GTF2F2: variants seen among roughly 807,000 people sequenced by gnomAD.
GTF2F2 encodes the protein ATP-dependent helicase GTF2F2.
GTF2F2 carries 23 observed loss-of-function variants against 42.2 expected under a neutral mutation model. The ratio of observed to expected loss-of-function variants is 0.55; its 90% CI spans 0.39 to 0.77. The LOEUF is 0.77. Ranked by LOEUF, GTF2F2 falls within the 30% of genes least tolerant of loss-of-function variation. The pLI, the probability that GTF2F2 is intolerant of heterozygous loss-of-function variation, is 0.00. For missense variants in GTF2F2, 261 were observed against 287.2 expected, an observed-to-expected ratio of 0.91 and a Z score of 0.66; for synonymous variants, 105 against 100.8, an observed-to-expected ratio of 1.04 and a Z score of -0.25.
At chr13:45,151,620 A>G in intron 3 of GTF2F2, 67 bp from the exon 4 acceptor site, 2 of 1,027,186 alleles carry the variant, frequency 1.9e-6, no homozygotes, top group Non-Finnish European at 1.4e-6. Flanking sequence ...GATTTATAAC[A>G]AAAATTTATA....
intron 5 of GTF2F2, among the ~76,000 whole-genome samples, chr13:45,247,951 TCTC>T (rs1566150378): frequency 6.6e-6 from 1 of 152,186 alleles, no homozygotes; most frequent in East Asian, 1.9e-4. Context: ...TTCAAGCAAT[TCTC>T]CTGCCTCAGC....
chr13:45,137,453 C>A (rs1253960322), intron 2 of GTF2F2, among the ~76,000 whole-genome samples: 1 of 152,180 alleles, frequency 6.6e-6, no homozygotes, highest in African/African-American at 2.4e-5. Flanking sequence ...TTAGCTTTTG[C>A]TTCATAACAA....
intron 5 of GTF2F2, among the ~76,000 whole-genome samples, chr13:45,231,078 ATTC>A (rs1283689189): frequency 3.3e-5 from 5 of 151,330 alleles, no homozygotes; most frequent in Non-Finnish European, 7.4e-5. Context: ...TTTCATTCTT[ATTC>A]TTCTATTTAT....
intron 7 of GTF2F2, among the ~76,000 whole-genome samples, chr13:45,277,282 C>T (rs368622054): frequency 2.0e-5 from 3 of 152,098 alleles, no homozygotes; most frequent in African/African-American, 4.8e-5. Flanking sequence ...GCAGGCTGTA[C>T]GGGAAGTATG....
intron 1 of GTF2F2, among the ~76,000 whole-genome samples, chr13:45,134,401 G>A (rs1317869022): frequency 6.6e-6 from 1 of 152,062 alleles, no homozygotes; most frequent in Non-Finnish European, 1.5e-5. Context: ...GTGGGGGTCT[G>A]CCAAATAACT....
rs1875384372 is a variant in GTF2F2 at position 45,242,797 on chromosome 13, T to C, written c.387-10074T>C. Among the ~76,000 whole-genome samples, 3 of 152,220 alleles carry C rather than the reference T, an allele frequency of 2.0e-5. No homozygotes were observed. The South Asian group carries it at 6.2e-4, about 32-fold the overall frequency. ...GCTTAAAGAATATTTATTGAGTTGC[T>C]ATTATGTGAGAAATGCTGTACTTAG... On this transcript the variant is annotated intron_variant, in intron 5 of 7. Transcript: ENST00000340473.
chr13:45,224,133 C>T (rs1299217343), intron 5 of GTF2F2, among the ~76,000 whole-genome samples: 3 of 152,166 alleles, frequency 2.0e-5, no homozygotes, highest in African/African-American at 7.2e-5. Context: ...CCTTCATACA[C>T]CATCAAGAAG....
chr13:45,284,311 C>T lies in GTF2F2; in HGVS notation c.*750C>T, dbSNP rs924759449. ...CCCCAGAATTTTACTGCTTACCCAG[C>T]AGACATGTATTGACCATCACATGGC... On this transcript the variant is annotated 3_prime_UTR_variant, in exon 8 of 8. Coordinates refer to ENST00000340473, the MANE Select transcript of GTF2F2 (RefSeq NM_004128.3). 2.6e-5 allele frequency: 4 copies of T among 152,166 alleles called. No homozygotes were observed. The highest frequency in any genetic ancestry group is 9.7e-5 in the African/African-American group (4 of 41,442). The allele number at this position is 152,166 out of a possible 1,614,324, so 9.4% of individuals were successfully genotyped here. A position where few individuals can be genotyped will look rare whatever the true frequency, so the allele number is the denominator to read the frequency against.
At chr13:45,260,765 A>G (rs1350429091) in intron 6 of GTF2F2, among the ~76,000 whole-genome samples, 1 of 152,156 alleles carries the variant, frequency 6.6e-6, no homozygotes, top group African/African-American at 2.4e-5. Context: ...CACACCTGTA[A>G]TCCCAGCACT....
chr13:45,190,093 A>C (rs1476050438), intron 4 of GTF2F2, among the ~76,000 whole-genome samples: 3 of 152,172 alleles, frequency 2.0e-5, no homozygotes, highest in African/African-American at 4.8e-5. Context: ...AAATTTTTGC[A>C]ATCTATCCAT....
chr13:45,207,192 C>T, intron 4 of GTF2F2: 1 of 432,774 alleles, frequency 2.3e-6, no homozygotes, highest in Non-Finnish European at 4.2e-6. Flanking sequence ...CTGTTCCTGG[C>T]AAAGGGCCAC....
intron 5 of GTF2F2, among the ~76,000 whole-genome samples, chr13:45,226,758 GCTGT>G (rs1378493043): frequency 6.6e-6 from 1 of 152,080 alleles, no homozygotes; most frequent in African/African-American, 2.4e-5. Context: ...CAAAAACACA[GCTGT>G]CTATTTACGC....
At chr13:45,238,368 A>G (rs1190273666) in intron 5 of GTF2F2, among the ~76,000 whole-genome samples, 1 of 152,198 alleles carries the variant, frequency 6.6e-6, no homozygotes, top group Admixed American at 6.5e-5. Flanking sequence ...TGTATTGAGG[A>G]GTAATAAATG....
chr13:45,177,545 CACTT>C (rs981105659), intron 4 of GTF2F2, among the ~76,000 whole-genome samples: 2 of 152,088 alleles, frequency 1.3e-5, no homozygotes, highest in African/African-American at 4.8e-5. Flanking sequence ...GCCCATGAGT[CACTT>C]AGTAACTGTC....
Position 45,228,283 on chromosome 13 carries a change from C to CTTTTTTTTTTTTTTTTTTTTTTTTT in GTF2F2, c.386+20794_386+20795insTTTTTTTTTTTTTTTTTTTTTTTTT, listed in dbSNP as rs372901327. Among the ~76,000 whole-genome samples the CTTTTTTTTTTTTTTTTTTTTTTTTT allele has an allele frequency of 7.7e-4, 71 of 92,696 alleles. 6 individuals are homozygous for CTTTTTTTTTTTTTTTTTTTTTTTTT. The highest frequency in any genetic ancestry group is 1.5e-3 in the African/African-American group (26 of 17,636). The allele number at this position is 92,696 out of a possible 152,430, so 60.8% of individuals were successfully genotyped here. On this transcript the variant is annotated intron_variant, in intron 5 of 7. Coordinates refer to ENST00000340473, the MANE Select transcript of GTF2F2 (RefSeq NM_004128.3). The stretch of plus-strand genomic sequence containing the variant: ...TTTCCTTATTGCTGCCAGAGTTAAT[C>CTTTTTTTTTTTTTTTTTTTTTTTTT]TTTTTTTTTTTTTTTTGGAGACGGA...
intron 5 of GTF2F2, among the ~76,000 whole-genome samples, chr13:45,229,757 G>C (rs1313526500): frequency 6.6e-6 from 1 of 152,090 alleles, no homozygotes; most frequent in African/African-American, 2.4e-5. Context: ...TTTTATTTGA[G>C]AAATATTCAG....
intron 5 of GTF2F2, among the ~76,000 whole-genome samples, chr13:45,214,924 C>T (rs1002959135): frequency 6.7e-6 from 1 of 150,292 alleles, no homozygotes; most frequent in Non-Finnish European, 1.5e-5. Flanking sequence ...ACTAACTCAT[C>T]TGAAAATACT....
intron 5 of GTF2F2, among the ~76,000 whole-genome samples, chr13:45,223,337 C>T (rs1208848736): frequency 2.0e-5 from 3 of 150,114 alleles, no homozygotes; most frequent in South Asian, 2.1e-4. Flanking sequence ...AAACAAAACA[C>T]GTGCGCATGC....
intron 2 of GTF2F2, among the ~76,000 whole-genome samples, chr13:45,138,041 C>T (rs1401331490): frequency 6.6e-6 from 1 of 152,108 alleles, no homozygotes; most frequent in East Asian, 1.9e-4. Context: ...ACTTGAACTT[C>T]GGTGGAATTT....
Sources: gnomAD v4.1 joint callset for allele counts (sites outside exome capture counted in the v4.1 genomes callset) on GRCh38, gnomAD v4.1.1 for gene constraint, MANE v1.5 for transcripts, NCBI Gene and HGNC (gene_info 2026-07-23, HGNC 2026-07-21) for gene names.